Variants in PPM1L observed in about 807,000 individuals in gnomAD.
The protein encoded by PPM1L is protein phosphatase 1L.
Under a neutral mutation model 31.4 loss-of-function variants are expected in PPM1L, and 13 were observed. That is an observed-to-expected ratio of 0.41 (90% CI 0.27 to 0.66). The LOEUF (loss-of-function observed/expected upper bound fraction) is 0.66. Among genes scored for constraint, PPM1L ranks in the 30% least tolerant of loss-of-function variants. The pLI is 0.29. For missense variants in PPM1L, 326 were observed against 453.7 expected (o/e 0.72, Z 2.56); for synonymous variants, 184 against 175.4 (o/e 1.05, Z -0.39).
chr3:160,952,923 A>G (rs1205930178), intron 1 of PPM1L, among the ~76,000 whole-genome samples: 2 of 152,318 alleles, frequency 1.3e-5, no homozygotes, highest in African/African-American at 4.8e-5. Context: ...TCAGATTATA[A>G]TTGTGTGTGT....
At chr3:160,786,996 A>G (rs192404383) in intron 1 of PPM1L, among the ~76,000 whole-genome samples, 10 of 152,180 alleles carry the variant, frequency 6.6e-5, no homozygotes, top group Admixed American at 2.0e-4. Context: ...TCTTTATTCT[A>G]TCCATCATTG....
At chr3:160,960,684 G>T (rs1225236490) in intron 1 of PPM1L, among the ~76,000 whole-genome samples, 1 of 151,954 alleles carries the variant, frequency 6.6e-6, no homozygotes, top group Non-Finnish European at 1.5e-5. Flanking sequence ...TAGACACTAT[G>T]TGAGTAAAGC....
chr3:160,937,066 A>G (rs1332928866), intron 1 of PPM1L, among the ~76,000 whole-genome samples: 5 of 151,414 alleles, frequency 3.3e-5, no homozygotes, highest in African/African-American at 9.8e-5. Flanking sequence ...CATTTTTATT[A>G]TATTCACTAA....
chr3:160,816,385 C>T (rs369225799), intron 1 of PPM1L, among the ~76,000 whole-genome samples: 1 of 151,082 alleles, frequency 6.6e-6, no homozygotes, highest in African/African-American at 2.4e-5. Context: ...CAACATTTTA[C>T]GAAATGGGAA....
intron 1 of PPM1L, among the ~76,000 whole-genome samples, chr3:160,954,510 G>A (rs755003505): frequency 4.6e-5 from 7 of 151,848 alleles, no homozygotes; most frequent in Non-Finnish European, 1.0e-4. Context: ...CCACAGGTGC[G>A]TGCCATCACG....
At chr3:160,944,922 TGGAGA>T (rs1559897359) in intron 1 of PPM1L, among the ~76,000 whole-genome samples, 3 of 75,666 alleles carry the variant, frequency 4.0e-5, no homozygotes, top group East Asian at 2.6e-4. Flanking sequence ...TAATATATAG[TGGAGA>T]TATATATATT....
chr3:161,005,902 G>A (rs529507231), intron 2 of PPM1L, among the ~76,000 whole-genome samples: 11 of 152,022 alleles, frequency 7.2e-5, no homozygotes, highest in African/African-American at 2.7e-4. Flanking sequence ...AAATCCCAGG[G>A]TGGGGAAGGC....
intron 1 of PPM1L, among the ~76,000 whole-genome samples, chr3:160,920,615 T>TCTCACACACACA (rs1389629070): frequency 1.0e-4 from 3 of 28,662 alleles, no homozygotes; most frequent in African/African-American, 3.1e-4. Flanking sequence ...TCTCTCTCTC[T>TCTCACACACACA]CACACACACA....
intron 1 of PPM1L, among the ~76,000 whole-genome samples, chr3:160,782,489 GAATA>G (rs1163634369): frequency 1.3e-5 from 2 of 152,140 alleles, no homozygotes; most frequent in Non-Finnish European, 2.9e-5. Flanking sequence ...AAAATTTAAT[GAATA>G]GAGAAGTAAA....
intron 1 of PPM1L, among the ~76,000 whole-genome samples, chr3:160,911,718 C>T (rs537663580): frequency 2.6e-5 from 4 of 152,188 alleles, no homozygotes; most frequent in Non-Finnish European, 5.9e-5. Context: ...CCAAGCAAGA[C>T]ACAGCCTTTT....
At chr3:160,960,909 C>T (rs1273845535) in intron 1 of PPM1L, among the ~76,000 whole-genome samples, 1 of 152,178 alleles carries the variant, frequency 6.6e-6, no homozygotes, top group Admixed American at 6.5e-5. Context: ...TTGGGAAAAT[C>T]TTTTCAAAAT....
chr3:160,986,900 T>A (rs1716981779), intron 2 of PPM1L, among the ~76,000 whole-genome samples: 1 of 152,228 alleles, frequency 6.6e-6, no homozygotes. Flanking sequence ...AGATTTCAGG[T>A]CATTTGAAGT....
chr3:161,061,202 C>A (rs1056946123), intron 2 of PPM1L, among the ~76,000 whole-genome samples: 4 of 151,002 alleles, frequency 2.6e-5, no homozygotes, highest in African/African-American at 9.7e-5. Context: ...TTGCTTTGCA[C>A]GTATTATTTC....
chr3:160,985,789 AT>A (rs551636884), intron 2 of PPM1L, among the ~76,000 whole-genome samples: 7 of 151,392 alleles, frequency 4.6e-5, no homozygotes, highest in Non-Finnish European at 7.4e-5. Flanking sequence ...CTCTAAAAAT[AT>A]TTTTTTTTCA....
At chr3:160,814,219 A>T (rs537319763) in intron 1 of PPM1L, among the ~76,000 whole-genome samples, 182 of 152,244 alleles carry the variant, frequency 1.2e-3, no homozygotes, top group African/African-American at 4.0e-3. Context: ...CTTCATGCCT[A>T]TCTGGACAGC....
chr3:160,913,436 C>A (rs1410768997), intron 1 of PPM1L, among the ~76,000 whole-genome samples: 1 of 152,094 alleles, frequency 6.6e-6, no homozygotes, highest in Non-Finnish European at 1.5e-5. Flanking sequence ...GTAAAACAAA[C>A]CCATTTTAAG....
intron 1 of PPM1L, among the ~76,000 whole-genome samples, chr3:160,912,060 G>A (rs987742663): frequency 2.3e-4 from 35 of 152,274 alleles, no homozygotes; most frequent in African/African-American, 8.4e-4. Context: ...GAAGGCTTGG[G>A]AAGACCTGAA....
chr3:160,786,662 A>T (rs1286194704), intron 1 of PPM1L, among the ~76,000 whole-genome samples: 1 of 150,078 alleles, frequency 6.7e-6, no homozygotes, highest in Non-Finnish European at 1.5e-5. Flanking sequence ...ATTGCATGTC[A>T]TGGGGGTTGG....
chr3:160,962,335 C>T (rs1489214602), intron 2 of PPM1L, among the ~76,000 whole-genome samples: 1 of 151,956 alleles, frequency 6.6e-6, no homozygotes, highest in Non-Finnish European at 1.5e-5. Context: ...TTTTCCTTAG[C>T]AACTCAGACA....
Sources: gnomAD v4.1 joint callset for allele counts (sites outside exome capture counted in the v4.1 genomes callset) on GRCh38, gnomAD v4.1.1 for gene constraint, MANE v1.5 for transcripts, NCBI Gene and HGNC (gene_info 2026-07-23, HGNC 2026-07-21) for gene names.